The following CYP4F2 variants were observed in gnomAD, a reference collection of about 807,000 sequenced individuals.
CYP4F2 encodes cytochrome P450 family 4 subfamily F member 2, also known as cytochrome P450 4F2.
A neutral mutation model predicts 58.9 loss-of-function variants in CYP4F2; 58 were observed. The observed-to-expected ratio is 0.98, with a 90% confidence interval of 0.80 to 1.23. The LOEUF (loss-of-function observed/expected upper bound fraction) is 1.23, where lower values mean the gene tolerates loss of function less well. Ranked by LOEUF, CYP4F2 falls within the 50% of genes most tolerant of loss-of-function variation. The pLI is 0.00. For synonymous variants in CYP4F2, 287 were observed against 261.1 expected (o/e 1.10, Z -0.95); for missense variants, 616 against 685.6 (o/e 0.90, Z 1.13).
intron 5 of CYP4F2, 94 bp downstream of exon 5, chr19:15,892,215 A>G: frequency 1.3e-6 from 2 of 1,570,566 alleles, no homozygotes; most frequent in Non-Finnish European, 1.7e-6. Context: ...CAATGGCCCA[A>G]TGGCACCCAG....
chr19:15,895,812 C>T (rs1002201556), intron 2 of CYP4F2, among the ~76,000 whole-genome samples, 162 bp from the exon 3 acceptor site: 1 of 152,136 alleles, frequency 6.6e-6, no homozygotes, highest in Non-Finnish European at 1.5e-5. Flanking sequence ...ATCTATCTGC[C>T]TACCCATCTA....
chr19:15,881,565 G>GGATAGATAGATAGATA (rs59240008), intron 9 of CYP4F2, among the ~76,000 whole-genome samples: 93 of 149,874 alleles, frequency 6.2e-4, no homozygotes, highest in Non-Finnish European at 9.2e-4. Context: ...GATAGATGAT[G>GGATAGATAGATAGATA]GATAGATAGA....
chr19:15,892,024 T>G (rs531194541), intron 5 of CYP4F2, among the ~76,000 whole-genome samples: 1 of 152,298 alleles, frequency 6.6e-6, no homozygotes, highest in South Asian at 2.1e-4. Flanking sequence ...TACTATGAAA[T>G]TGTTGTCATG....
rs1168099099 is a variant in CYP4F2 at position 15,878,085 on chromosome 19, A to G, written c.*686T>C. On this transcript the variant is annotated 3_prime_UTR_variant, in exon 13 of 13. Coordinates refer to ENST00000221700, the MANE Select transcript of CYP4F2 (RefSeq NM_001082.5). ...GCTCACAGCATATTATTATATGAAC[A>G]ACCTGGACAGAAAAAAAATGTATGT... is the stretch of plus-strand genomic sequence containing the variant. The G allele has an allele frequency of 6.6e-6, 1 of 152,244 alleles. No homozygotes were observed. The highest frequency in any genetic ancestry group is 1.5e-5 in the Non-Finnish European group (1 of 68,052). The allele number at this position is 152,244 out of a possible 1,614,324, so 9.4% of individuals were successfully genotyped here.
At chr19:15,880,922 A>C (rs1305822233) in intron 9 of CYP4F2, among the ~76,000 whole-genome samples, 5 of 152,258 alleles carry the variant, frequency 3.3e-5, no homozygotes, top group Non-Finnish European at 7.3e-5. Context: ...TTAAAATTGT[A>C]CAGTGCAAAT....
Position 15,879,614 on chromosome 19 carries a change from G to A in CYP4F2, c.1304C>T (p.Pro435Leu), listed in dbSNP as rs550261161. ...FGTHHNPAVW[P>L]DPEVYDPFRF... is the part of the protein sequence containing the mutation. ...AGAGGGGCCCCGCACCTCAGGGTCCGGCCACACAGCTGGGTTGTGATGGGT... is the reference window on the plus strand; with the variant it reads ...AGAGGGGCCCCGCACCTCAGGGTCCAGCCACACAGCTGGGTTGTGATGGGT... Residue 435 changes from proline to leucine, a missense_variant, in exon 11 of 13, where the codon CCG becomes CTG. Coordinates refer to ENST00000221700, the MANE Select transcript of CYP4F2 (RefSeq NM_001082.5). 36 of 1,614,100 alleles carry A rather than the reference G, an allele frequency of 2.2e-5. No individual in the cohort carries two copies. The South Asian group carries it at 2.6e-4, about 12-fold the overall frequency.
At chr19:15,894,054 C>T (rs2089433673) in intron 3 of CYP4F2, among the ~76,000 whole-genome samples, 1 of 152,202 alleles carries the variant, frequency 6.6e-6, no homozygotes, top group Admixed American at 6.5e-5. Flanking sequence ...CTCTCCAGTC[C>T]TTCAGTTACA....
chr19:15,891,836 G>A (rs1213587983), intron 5 of CYP4F2, among the ~76,000 whole-genome samples: 1 of 152,138 alleles, frequency 6.6e-6, no homozygotes, highest in Admixed American at 6.5e-5. Context: ...CAAACATGTG[G>A]CAGAATTCAG....
intron 8 of CYP4F2, 84 bp downstream of exon 8, chr19:15,886,158 G>A: frequency 6.2e-7 from 1 of 1,608,178 alleles, no homozygotes; most frequent in Non-Finnish European, 8.5e-7. Context: ...GAAGGGGGAT[G>A]GGAAGGTTGT....
intron 9 of CYP4F2, among the ~76,000 whole-genome samples, chr19:15,884,131 A>G (rs192480996): frequency 1.2e-4 from 18 of 152,228 alleles, no homozygotes; most frequent in Admixed American, 7.2e-4. Context: ...AGGAAGGAAG[A>G]AAGGAAATGT....
chr19:15,893,503 C>G (rs971502497), intron 3 of CYP4F2, among the ~76,000 whole-genome samples: 6 of 152,176 alleles, frequency 3.9e-5, no homozygotes, highest in African/African-American at 1.4e-4. Flanking sequence ...TCAGGTGTAA[C>G]CAGGACCCAG....
At chr19:15,886,484 T>A in intron 7 of CYP4F2, 176 bp from the exon 8 acceptor site, 1 of 705,818 alleles carries the variant, frequency 1.4e-6, no homozygotes, top group Non-Finnish European at 2.3e-6. Flanking sequence ...AGCCCTCACC[T>A]CATGGCCTTC....
intron 2 of CYP4F2, among the ~76,000 whole-genome samples, chr19:15,896,051 ATTAT>A (rs2145016042): frequency 6.8e-6 from 1 of 147,078 alleles, no homozygotes; most frequent in Admixed American, 6.7e-5. Context: ...CATATGTCCT[ATTAT>A]TTGTCTATCT....
At chr19:15,879,489 G>C in intron 11 of CYP4F2, 61 bp from the exon 12 acceptor site, 1 of 1,609,998 alleles carries the variant, frequency 6.2e-7, no homozygotes, top group Admixed American at 1.7e-5. Flanking sequence ...GCCTTGGAGA[G>C]ACAGACAGTT....
rs767214008 is a variant in CYP4F2 at position 15,889,593 on chromosome 19, T to C, written c.748A>G (p.Thr250Ala). ...LLHIDFLYYL[T>A]PDGQRFRRAC... ...CTGCGGAAACGCTGCCCATCAGGGG[T>C]GAGATAATACAGGAAGTCAATATGC... The change falls in exon 7 of 13, where the codon ACC becomes GCC. Residue 250 changes from threonine to alanine, a missense_variant. Coordinates refer to ENST00000221700, the MANE Select transcript of CYP4F2 (RefSeq NM_001082.5). The C allele has an allele frequency of 8.1e-6, 13 of 1,613,810 alleles. No individual in the cohort carries two copies. Among genetic ancestry groups the C allele is most frequent in the Non-Finnish European group, 1.0e-5 (12 of 1,180,032 alleles).
chr19:15,881,970 C>T (rs3093226), intron 9 of CYP4F2, among the ~76,000 whole-genome samples: 10,356 of 152,130 alleles, frequency 0.068, 489 homozygotes, highest in Middle Eastern at 0.15. Context: ...GGAGGTCGGG[C>T]GCGGTGGCTC....
chr19:15,893,910 A>T, intron 3 of CYP4F2: 1 of 255,320 alleles, frequency 3.9e-6, no homozygotes, highest in South Asian at 7.6e-5. Context: ...GACCCAATTC[A>T]TGCTCTCCTA....
rs539029441 is a variant in CYP4F2, at chr19:15,892,439, A to G, written c.398-3T>C. On this transcript the variant is annotated splice_polypyrimidine_tract_variant and splice_region_variant and intron_variant, in intron 4 of 12. Transcript: ENST00000221700. ...AGCACTCAGCAGGAGCCCATCCCCT[A>G]GCAGGGCAGCCAAGGGCCATGGGCA... is the stretch of plus-strand genomic sequence containing the variant. The G allele has an allele frequency of 5.5e-5, 88 of 1,614,170 alleles. No homozygotes were observed. The South Asian group carries it at 8.9e-4, about 16-fold the overall frequency.
chr19:15,886,404 A>G (rs2089380754), intron 7 of CYP4F2, 96 bp from the exon 8 acceptor site: 8 of 1,476,384 alleles, frequency 5.4e-6, no homozygotes, highest in Non-Finnish European at 7.4e-6. Context: ...CAGTCTCTGA[A>G]GATTCATCCT....
Sources: gnomAD v4.1 joint callset for allele counts (sites outside exome capture counted in the v4.1 genomes callset) on GRCh38, gnomAD v4.1.1 for gene constraint, MANE v1.5 for transcripts, NCBI Gene and HGNC (gene_info 2026-07-23, HGNC 2026-07-21) for gene names.